ZFYVE26: variants seen among roughly 807,000 people sequenced by gnomAD.
ZFYVE26 encodes zinc finger FYVE domain-containing protein 26.
In ZFYVE26, 181 loss-of-function variants were observed where a neutral mutation model predicts 276.5. That is an observed-to-expected ratio of 0.65 (90% CI 0.58 to 0.74). The LOEUF (loss-of-function observed/expected upper bound fraction) is 0.74. Ranked by LOEUF, ZFYVE26 falls within the 30% of genes least tolerant of loss-of-function variation. The probability of loss-of-function intolerance (pLI) is 0.00; values close to 1 mark genes in which losing one functional copy is unlikely to be tolerated. For missense variants in ZFYVE26, 2,821 were observed against 3,097.9 expected (o/e 0.91, Z 2.12); for synonymous variants, 1,129 against 1,203.1 (o/e 0.94, Z 1.27).
At chr14:67,781,301 C>G (rs199716767) in intron 22 of ZFYVE26, 32 bp downstream of exon 22, 1 of 1,611,964 alleles carries the variant, frequency 6.2e-7, no homozygotes. Context: ...GTGAGAAGCC[C>G]GTTCCCTTTC....
chr14:67,785,542 G>A lies in ZFYVE26; in HGVS notation c.3305-265C>T, dbSNP rs17104673. On this transcript the variant is annotated intron_variant, in intron 18 of 41. Transcript: ENST00000347230. ...CTATTTTTATCCTTGTCTCTGGGGT[G>A]GAACAACTTTATGAAGAACACAGCA... Among the ~76,000 whole-genome samples the A allele has an allele frequency of 7.3e-3, 1,118 of 152,194 alleles. 13 individuals carry two copies. The highest frequency in any genetic ancestry group is 0.026 in the African/African-American group (1,083 of 41,534).
At chr14:67,785,738 A>G in intron 18 of ZFYVE26, 120 bp downstream of exon 18, 1 of 1,371,864 alleles carries the variant, frequency 7.3e-7, no homozygotes, top group Non-Finnish European at 1.0e-6. Context: ...TGGCTAACTA[A>G]AGGGCTGATA....
In ZFYVE26 at chr14:67,754,177, G is replaced by C. The variant is rs2038718890; in HGVS notation, c.7022C>G (p.Thr2341Ser). Residue 2341 changes from threonine (T) to serine (S), a missense_variant, in exon 38 of 42, where the codon ACC becomes AGC. Thr to Ser is a moderately conservative substitution (Grantham distance 58, BLOSUM62 1). Coordinates refer to ENST00000347230, the MANE Select transcript of ZFYVE26 (RefSeq NM_015346.4). The stretch of plus-strand genomic sequence containing the variant: ...ACTTTCGCACCGATGCAAGAACCTG[G>C]TCACTTCCATCTGCAGCTGAAGTGT... ...MNTLQLQMEV[T>S]RFLHRCESAG... 1 of 1,614,262 alleles carries C rather than the reference G, an allele frequency of 6.2e-7. No individual in the cohort carries two copies. The highest frequency in any genetic ancestry group is 8.5e-7 in the Non-Finnish European group (1 of 1,180,046).
chr14:67,745,001 A>G (rs1442295305), downstream of ZFYVE26, among the ~76,000 whole-genome samples: 2 of 152,146 alleles, frequency 1.3e-5, no homozygotes, highest in Non-Finnish European at 2.9e-5. Context: ...TGTCTTCCAC[A>G]ATGGTTGAAC....
At chr14:67,773,039 T>G (rs2039254071) in intron 27 of ZFYVE26, among the ~76,000 whole-genome samples, 1 of 152,172 alleles carries the variant, frequency 6.6e-6, no homozygotes, top group Non-Finnish European at 1.5e-5. Context: ...ATCTTGAGTC[T>G]GGAAAAAACA....
chr14:67,775,536 G>C (rs781686584), intron 26 of ZFYVE26, among the ~76,000 whole-genome samples: 3 of 152,134 alleles, frequency 2.0e-5, no homozygotes, highest in Non-Finnish European at 4.4e-5. Flanking sequence ...TGGGAATAAG[G>C]CATACTCTCA....
At chr14:67,812,514 C>G (rs1045223571) in intron 3 of ZFYVE26, among the ~76,000 whole-genome samples, 2 of 152,180 alleles carry the variant, frequency 1.3e-5, no homozygotes, top group African/African-American at 4.8e-5. Context: ...ACTTGGAAAA[C>G]TACCCCAAGA....
intron 9 of ZFYVE26, among the ~76,000 whole-genome samples, chr14:67,803,147 A>G (rs1294830128): frequency 1.3e-5 from 2 of 152,178 alleles, no homozygotes; most frequent in African/African-American, 4.8e-5. Context: ...CTTGATCCCA[A>G]GAGTTTGAGA....
chr14:67,731,270 A>G (rs1043790295), intron 13 of ZFYVE26, among the ~76,000 whole-genome samples: 6 of 138,272 alleles, frequency 4.3e-5, no homozygotes, highest in Admixed American at 3.2e-4. Flanking sequence ...GCTGGAGTGC[A>G]ATGGCATGAT....
At position 67,786,309 on chromosome 14, in the gene ZFYVE26, T is replaced by A. The variant is rs1460180179; in HGVS notation, c.3020-76A>T. The A allele has an allele frequency of 2.0e-6, 3 of 1,507,356 alleles. No individual in the cohort carries two copies. In the African/African-American group the frequency reaches 4.2e-5, roughly 21 times the overall value. The allele number at this position is 1,507,356 out of a possible 1,614,324, so 93.4% of individuals were successfully genotyped here. A position where few individuals can be genotyped will look rare whatever the true frequency, so the allele number is the denominator to read the frequency against. ...TTTCAGAGATTGACACTCAGTCCTG[T>A]ATTTACCTGTGAAATTTTATCCTCT... On this transcript the variant is annotated intron_variant, in intron 16 of 41. Transcript: ENST00000347230.
chr14:67,756,447 A>G, intron 35 of ZFYVE26: 3 of 447,636 alleles, frequency 6.7e-6, no homozygotes, highest in Non-Finnish European at 1.2e-5. Context: ...TTCCCATTGA[A>G]ACTGCCCCTT....
At chr14:67,795,593 C>G (rs987750056) in intron 12 of ZFYVE26, among the ~76,000 whole-genome samples, 1 of 152,170 alleles carries the variant, frequency 6.6e-6, no homozygotes, top group Non-Finnish European at 1.5e-5. Flanking sequence ...CTCAAGATAC[C>G]TAGTATTGTT....
chr14:67,810,172 G>GT (rs2040271219), intron 3 of ZFYVE26, among the ~76,000 whole-genome samples: 1 of 152,194 alleles, frequency 6.6e-6, no homozygotes, highest in South Asian at 2.1e-4. Context: ...CTGATCAGCC[G>GT]TAAGTTCCAA....
intron 4 of ZFYVE26, 112 bp from the exon 5 acceptor site, chr14:67,808,032 C>G: frequency 7.8e-7 from 1 of 1,282,006 alleles, no homozygotes; most frequent in South Asian, 1.3e-5. Flanking sequence ...GTGGCGGTAA[C>G]AAATACTTAT....
At chr14:67,816,088 TG>T in intron 1 of ZFYVE26, 42 bp from the exon 2 acceptor site, 1 of 782,740 alleles carries the variant, frequency 1.3e-6, no homozygotes, top group East Asian at 2.7e-5. Context: ...CAGAAGGCAC[TG>T]TATTAAGACA....
intron 27 of ZFYVE26, among the ~76,000 whole-genome samples, chr14:67,772,865 G>C (rs1359456850): frequency 6.6e-6 from 1 of 152,210 alleles, no homozygotes; most frequent in Non-Finnish European, 1.5e-5. Flanking sequence ...GGAGGCTGAG[G>C]TGGGAGGATT....
intron 27 of ZFYVE26, among the ~76,000 whole-genome samples, chr14:67,774,232 G>A (rs980476075): frequency 2.0e-5 from 3 of 152,288 alleles, no homozygotes; most frequent in Non-Finnish European, 4.4e-5. Flanking sequence ...CTGGCTGGGT[G>A]TGGTGGCTCA....
rs556042199 is a variant in ZFYVE26, at chr14:67,792,018, C to A, written c.2554-1245G>T. Among the ~76,000 whole-genome samples the A allele has an allele frequency of 5.4e-5, 8 of 148,394 alleles. No individual in the cohort carries two copies. In the South Asian group the frequency reaches 1.5e-3, roughly 28 times the overall value. ...AAGACTGCAGTGAGCCGAGATCGAG[C>A]CACTGCACTCCAGCCTGGGTGAGAA... On this transcript the variant is annotated intron_variant, in intron 14 of 41. Coordinates refer to ENST00000347230, the MANE Select transcript of ZFYVE26 (RefSeq NM_015346.4).
At chr14:67,802,763 A>C (rs1371482822) in intron 9 of ZFYVE26, among the ~76,000 whole-genome samples, 2 of 152,194 alleles carry the variant, frequency 1.3e-5, no homozygotes, top group Non-Finnish European at 2.9e-5. Flanking sequence ...AATCTGTTAA[A>C]CAAGCTGCCT....
Sources: gnomAD v4.1 joint callset for allele counts (sites outside exome capture counted in the v4.1 genomes callset) on GRCh38, gnomAD v4.1.1 for gene constraint, MANE v1.5 for transcripts, NCBI Gene and HGNC (gene_info 2026-07-23, HGNC 2026-07-21) for gene names.